Variants in TTLL10 observed in about 807,000 individuals in gnomAD.
The protein encoded by TTLL10 is inactive polyglycylase TTLL10.
Under a neutral mutation model 69.0 loss-of-function variants are expected in TTLL10, and 61 were observed. The observed-to-expected ratio is 0.88, with a 90% CI of 0.72 to 1.09. TTLL10 has a LOEUF of 1.09. Among genes scored for constraint, TTLL10 ranks in the 50% least tolerant of loss-of-function variants. The pLI is 0.00. For synonymous variants in TTLL10, 408 were observed against 393.3 expected, an observed-to-expected ratio of 1.04 and a Z score of -0.44; for missense variants, 962 against 945.9, an observed-to-expected ratio of 1.02 and a Z score of -0.22.
rs569571316 is a variant in TTLL10 at position 1,182,751 on chromosome 1, C to T, written c.917-125C>T. ...GCTGGGGCCAGGCGTGTGGTTAGCG[C>T]AGGGCCAAGGTTGGAATGGCCGGGC... On this transcript the variant is annotated intron_variant, in intron 10 of 15. Coordinates refer to ENST00000379289, the MANE Select transcript of TTLL10 (RefSeq NM_001130045.2). 433 of 1,346,310 alleles carry T rather than the reference C, an allele frequency of 3.2e-4. No homozygotes were observed. In the African/African-American group the frequency reaches 6.0e-3, roughly 19 times the overall value. 83.4% of individuals were successfully genotyped at this position (1,346,310 alleles called of 1,614,324 possible). A position where few individuals can be genotyped will look rare whatever the true frequency, so the allele number is the denominator to read the frequency against.
chr1:1,177,115 C>T (rs919285635), intron 3 of TTLL10, among the ~76,000 whole-genome samples: 10 of 147,534 alleles, frequency 6.8e-5, no homozygotes, highest in African/African-American at 1.3e-4. Flanking sequence ...TGTGTGTAGA[C>T]GTGTCTGTGT....
In TTLL10 at chr1:1,185,502, C is replaced by T. The variant is rs773435003; in HGVS notation, c.1401+393C>T. ...GTGTCCTGGAGCAGCAGCAGCTGCC[C>T]GTGCAGGCCCGGACTCTCCCTAGCT... On this transcript the variant is annotated intron_variant, in intron 13 of 15. Transcript: ENST00000379289. The surrounding 1 kb of genome is among the most constrained non-coding windows in gnomAD (Gnocchi z 6.1). 9.4e-6 allele frequency: 10 copies of T among 1,060,344 alleles called. No individual in the cohort carries two copies. The highest frequency in any genetic ancestry group is 1.0e-5 in the Non-Finnish European group (9 of 878,360). The allele number at this position is 1,060,344 out of a possible 1,614,324, so 65.7% of individuals were successfully genotyped here.
chr1:1,185,130 A>T lies in TTLL10; in HGVS notation c.1401+21A>T. The T allele has an allele frequency of 6.2e-7, 1 of 1,605,918 alleles. No individual in the cohort carries two copies. The highest frequency in any genetic ancestry group is 8.5e-7 in the Non-Finnish European group (1 of 1,175,018). On this transcript the variant is annotated intron_variant, in intron 13 of 15. Transcript: ENST00000379289. This position sits in a 1 kb window ranked among gnomAD's most constrained non-coding sequence, Gnocchi z 6.1. ...TCAAGGTGCGTCCACTGTGCCCTCC[A>T]GTCTGGGAGTGAGATCCCTCGGGGC...
At chr1:1,189,223 G>C (rs922619415) in intron 13 of TTLL10, among the ~76,000 whole-genome samples, 6 of 152,212 alleles carry the variant, frequency 3.9e-5, no homozygotes, top group African/African-American at 1.2e-4. Flanking sequence ...TTCCTGATCT[G>C]AGGAGGAAGG....
intron 13 of TTLL10, among the ~76,000 whole-genome samples, chr1:1,190,777 A>T (rs551439571): frequency 6.6e-6 from 1 of 151,966 alleles, no homozygotes; most frequent in Admixed American, 6.6e-5. Flanking sequence ...CATCCATAAG[A>T]TTTTGCGTGT....
intron 9 of TTLL10, among the ~76,000 whole-genome samples, chr1:1,182,019 C>A (rs537494131): frequency 6.6e-6 from 1 of 152,318 alleles, no homozygotes; most frequent in South Asian, 2.1e-4. Flanking sequence ...GCTCAGGCCA[C>A]GCTCTCCGCC....
rs368786186 is a variant in TTLL10 at position 1,193,611 on chromosome 1, A to C, written c.1402-2989A>C. Among the ~76,000 whole-genome samples, 275 of 151,440 alleles carry C rather than the reference A, an allele frequency of 1.8e-3. 5 individuals carry two copies. Among genetic ancestry groups the C allele is most frequent in the East Asian group, 3.6e-3 (18 of 4,994 alleles). On this transcript the variant is annotated intron_variant, in intron 13 of 15. Coordinates refer to ENST00000379289, the MANE Select transcript of TTLL10 (RefSeq NM_001130045.2). ...CCCTAGTAGCTGGGATTACAGGCGC[A>C]TGCCACCACACCCGGCTAATTTTTT...
chr1:1,193,553 T>C (rs1307860880), intron 13 of TTLL10, among the ~76,000 whole-genome samples: 1 of 149,708 alleles, frequency 6.7e-6, no homozygotes, highest in East Asian at 2.1e-4. Context: ...AGCCCCCGCC[T>C]CCCGGATTCA....
rs577751055 is a variant in TTLL10, at chr1:1,182,464, G to A, written c.916+18G>A. ...GTTTGATGGTGAGACGCTGCTGGCC[G>A]GACACCAGGCTGGCCCTGGGGAGAC... On this transcript the variant is annotated intron_variant, in intron 10 of 15. Transcript: ENST00000379289. The A allele has an allele frequency of 3.6e-4, 578 of 1,611,810 alleles. 5 individuals carry two copies. In the South Asian group the frequency reaches 5.0e-3, roughly 14 times the overall value.
chr1:1,174,161 C>T (rs1227783790), intron 1 of TTLL10, 124 bp from the exon 2 acceptor site: 2 of 141,036 alleles, frequency 1.4e-5, no homozygotes, highest in African/African-American at 2.5e-5. Flanking sequence ...TGTGTGTACC[C>T]GGTGGGGTGG....
At chr1:1,176,459 C>T in intron 3 of TTLL10, 1 of 452,528 alleles carries the variant, frequency 2.2e-6, no homozygotes, top group Non-Finnish European at 4.4e-6. Flanking sequence ...TCCCTGACAG[C>T]TCACTCCTGT....
chr1:1,184,207 G>C, intron 12 of TTLL10, 116 bp downstream of exon 12: 3 of 1,434,676 alleles, frequency 2.1e-6, no homozygotes, highest in Non-Finnish European at 2.9e-6. Context: ...GGCCCAGGCC[G>C]GGAGGTGTCT....
chr1:1,195,500 C>CTTTTTTTTTT (rs1168016636), intron 13 of TTLL10, among the ~76,000 whole-genome samples: 5,674 of 95,738 alleles, frequency 0.059, 502 homozygotes, highest in East Asian at 0.13. Flanking sequence ...CATCGTCATA[C>CTTTTTTTTTT]TTTTTTTTTT....
At chr1:1,186,676 C>A (rs1647347927) in intron 13 of TTLL10, among the ~76,000 whole-genome samples, 1 of 152,070 alleles carries the variant, frequency 6.6e-6, no homozygotes, top group South Asian at 2.1e-4. Flanking sequence ...AAAGAATCAC[C>A]ATCTGGTCGG....
chr1:1,182,879 C>T lies in TTLL10; in HGVS notation c.920C>T (p.Thr307Ile), dbSNP rs1442148635. Residue 307 changes from threonine (T) to isoleucine (I), a missense_variant, in exon 11 of 16, where the codon ACC becomes ATC. By Grantham distance (89) the Thr-to-Ile change is moderately conservative (BLOSUM62 -1). Coordinates refer to ENST00000379289, the MANE Select transcript of TTLL10 (RefSeq NM_001130045.2). ...REAFFTLFDE[T>I]QIWICKPTAS... ...GCTCAGGCCGCGCTCTCTGCAGAAACCCAGATATGGATCTGCAAGCCCACA... is the reference window on the plus strand; with the variant it reads ...GCTCAGGCCGCGCTCTCTGCAGAAATCCAGATATGGATCTGCAAGCCCACA... The T allele has an allele frequency of 3.2e-6, 5 of 1,579,516 alleles. No homozygotes were observed. The highest frequency in any genetic ancestry group is 4.3e-6 in the Non-Finnish European group (5 of 1,162,176).
intron 13 of TTLL10, among the ~76,000 whole-genome samples, chr1:1,193,387 G>T (rs1647972707): frequency 2.0e-5 from 2 of 102,008 alleles, no homozygotes; most frequent in African/African-American, 1.6e-4. Context: ...TTTGTTATTT[G>T]TTTTCTATGT....
rs983793806 is a variant in TTLL10, at chr1:1,180,188, C to G, written c.354C>G (p.Asn118Lys). The G allele has an allele frequency of 1.2e-6, 2 of 1,611,178 alleles. No homozygotes were observed. Among genetic ancestry groups the G allele is most frequent in the African/African-American group, 2.7e-5 (2 of 74,898 alleles). Residue 118 changes from asparagine (N) to lysine (K), a missense_variant, in exon 6 of 16, where the codon AAC becomes AAG. By Grantham distance (94) the Asn-to-Lys change is moderately conservative (BLOSUM62 0). Transcript: ENST00000379289. ...SATPGPPGLL[N>K]SHRPADSDDT... ...CACCCGGACCCCCTGGGCTCCTGAACAGCCACCGGCCTGCAGACTCGGATG... is the reference window on the plus strand; with the variant it reads ...CACCCGGACCCCCTGGGCTCCTGAAGAGCCACCGGCCTGCAGACTCGGATG...
In TTLL10 at chr1:1,197,921, C is replaced by A. The variant is rs1648367544; in HGVS notation, c.*74C>A. On this transcript the variant is annotated 3_prime_UTR_variant, in exon 16 of 16. Coordinates refer to ENST00000379289, the MANE Select transcript of TTLL10 (RefSeq NM_001130045.2). ...TGCCTGCCCTCAGGGACCTATAAAGCCCACTTTGCTACAAACACAGTCTCT... is the reference window on the plus strand; with the variant it reads ...TGCCTGCCCTCAGGGACCTATAAAGACCACTTTGCTACAAACACAGTCTCT... 9 of 1,359,632 alleles carry A rather than the reference C, an allele frequency of 6.6e-6. No individual in the cohort carries two copies. The highest frequency in any genetic ancestry group is 8.5e-6 in the Non-Finnish European group (9 of 1,057,210). 84.2% of individuals were successfully genotyped at this position (1,359,632 alleles called of 1,614,324 possible).
chr1:1,182,529 G>C, intron 10 of TTLL10, 83 bp downstream of exon 10: 1 of 1,440,614 alleles, frequency 6.9e-7, no homozygotes, highest in Non-Finnish European at 9.8e-7. Flanking sequence ...GATGAGGGCA[G>C]GGCTGGGTCT....
Sources: gnomAD v4.1 joint callset for allele counts (sites outside exome capture counted in the v4.1 genomes callset) on GRCh38, gnomAD v4.1.1 for gene constraint, Gnocchi (gnomAD v3.1) non-coding constraint, MANE v1.5 for transcripts, NCBI Gene and HGNC (gene_info 2026-07-23, HGNC 2026-07-21) for gene names.